Variants in ZNF423 observed in about 807,000 individuals in gnomAD.
The protein encoded by ZNF423 is Ebf-associated zinc finger protein.
A neutral mutation model predicts 95.8 loss-of-function variants in ZNF423; 12 were observed. That is an observed-to-expected ratio of 0.13 (90% CI 0.08 to 0.20). The LOEUF is 0.20. ZNF423 is among the 10% of genes least tolerant of loss of function. The probability of loss-of-function intolerance (pLI) is 1.00; values close to 1 mark genes in which losing one functional copy is unlikely to be tolerated. For missense variants in ZNF423, 1,316 were observed against 1,737.1 expected (o/e 0.76, Z 4.31); for synonymous variants, 749 against 711.9 (o/e 1.05, Z -0.83).
chr16:49,854,907 G>T (rs1026175150), intron 1 of ZNF423: 3 of 985,112 alleles, frequency 3.0e-6, no homozygotes, highest in Non-Finnish European at 3.6e-6. Flanking sequence ...CGGCCTGGGT[G>T]TCGAGGGTGC....
chr16:49,858,721 C>CCA (rs1555491190), upstream of ZNF423, among the ~76,000 whole-genome samples: 208 of 141,922 alleles, frequency 1.5e-3, 2 homozygotes, highest in African/African-American at 5.1e-3. The surrounding 1 kb of genome is among the most constrained non-coding windows in gnomAD (Gnocchi z 4.3). Context: ...ATAGGAGCCC[C>CCA]CCCCCCCACG....
intron 2 of ZNF423, among the ~76,000 whole-genome samples, chr16:49,783,376 G>A (rs577833837): frequency 9.0e-4 from 134 of 148,878 alleles, no homozygotes; most frequent in Non-Finnish European, 1.3e-3. Context: ...AGCAGGCTGG[G>A]ATGGGCGGGA....
In ZNF423 at chr16:49,693,077, A is replaced by T. The variant is rs565450825; in HGVS notation, c.301+37694T>A. Among the ~76,000 whole-genome samples the T allele has an allele frequency of 2.0e-5, 3 of 152,382 alleles. No homozygotes were observed. In the South Asian group the frequency reaches 6.2e-4, roughly 32 times the overall value. ...TTCATGAATAAATGTGTGAATAAAT[A>T]AAAAGAGTGATAGCTAACATTAAGT... On this transcript the variant is annotated intron_variant, in intron 3 of 7. Transcript: ENST00000563137.
chr16:49,707,822 T>C (rs1596892260), intron 3 of ZNF423, among the ~76,000 whole-genome samples: 1 of 152,140 alleles, frequency 6.6e-6, no homozygotes, highest in Non-Finnish European at 1.5e-5. Context: ...TTTATTTATT[T>C]ATTTTTTTGA....
At chr16:49,621,636 C>T (rs1212478851) in intron 5 of ZNF423, among the ~76,000 whole-genome samples, 1 of 152,190 alleles carries the variant, frequency 6.6e-6, no homozygotes, top group African/African-American at 2.4e-5. Context: ...ACCAAGTCCC[C>T]CTGGTGCCAC....
intron 5 of ZNF423, among the ~76,000 whole-genome samples, chr16:49,606,442 T>C (rs1971539328): frequency 6.6e-6 from 1 of 152,106 alleles, no homozygotes; most frequent in East Asian, 1.9e-4. Flanking sequence ...CCAGCAAAGT[T>C]GATATGCAGA....
At chr16:49,628,735 G>C (rs1972396098) in intron 4 of ZNF423, among the ~76,000 whole-genome samples, 1 of 152,194 alleles carries the variant, frequency 6.6e-6, no homozygotes, top group Non-Finnish European at 1.5e-5. Context: ...CCTACAGCTG[G>C]TTTCCACACA....
chr16:49,787,854 C>G (rs926989144), intron 2 of ZNF423, among the ~76,000 whole-genome samples: 2 of 152,162 alleles, frequency 1.3e-5, no homozygotes, highest in African/African-American at 4.8e-5. Context: ...TGAGTGCTTT[C>G]CTAGTTCAGG....
At chr16:49,778,109 A>AT (rs1705216984) in intron 2 of ZNF423, among the ~76,000 whole-genome samples, 1 of 152,238 alleles carries the variant, frequency 6.6e-6, no homozygotes, top group African/African-American at 2.4e-5. Context: ...AGGAGAACAA[A>AT]TTATCAGTGG....
At chr16:49,674,037 G>C (rs1396837507) in intron 3 of ZNF423, among the ~76,000 whole-genome samples, 1 of 152,180 alleles carries the variant, frequency 6.6e-6, no homozygotes, top group Non-Finnish European at 1.5e-5. Flanking sequence ...AGAGAAAATA[G>C]CCAGAGCAAA....
chr16:49,742,362 G>C (rs2033431895), intron 2 of ZNF423, among the ~76,000 whole-genome samples: 1 of 152,072 alleles, frequency 6.6e-6, no homozygotes, highest in Non-Finnish European at 1.5e-5. Flanking sequence ...GGGAAGCAGG[G>C]GGGAGAAAAA....
chr16:49,722,110 A>G (rs936301833), intron 3 of ZNF423, among the ~76,000 whole-genome samples: 71 of 152,286 alleles, frequency 4.7e-4, no homozygotes, highest in African/African-American at 1.7e-3. Flanking sequence ...TGTCTGAGCC[A>G]AGACTCAGAA....
chr16:49,526,705 G>C (rs973947873), intron 5 of ZNF423, among the ~76,000 whole-genome samples: 3 of 152,210 alleles, frequency 2.0e-5, no homozygotes, highest in African/African-American at 7.2e-5. Flanking sequence ...CCCTTACTGG[G>C]TGATCTTAGG....
intron 7 of ZNF423, among the ~76,000 whole-genome samples, chr16:49,510,219 T>C (rs993075227): frequency 6.6e-6 from 1 of 152,208 alleles, no homozygotes; most frequent in African/African-American, 2.4e-5. Flanking sequence ...ACAAGCATGA[T>C]GCTGCATCCC....
At chr16:49,498,778 C>T (rs1229747186) in intron 7 of ZNF423, among the ~76,000 whole-genome samples, 1 of 152,136 alleles carries the variant, frequency 6.6e-6, no homozygotes, top group Non-Finnish European at 1.5e-5. Context: ...CAGCCCCTCT[C>T]TGCTTGTGAG....
chr16:49,791,672 A>G (rs1245117674), intron 1 of ZNF423, among the ~76,000 whole-genome samples: 2 of 152,140 alleles, frequency 1.3e-5, no homozygotes, highest in African/African-American at 4.8e-5. Context: ...AGCACAAAAA[A>G]TATGTTCAGC....
At chr16:49,745,542 A>G (rs1269496063) in intron 2 of ZNF423, among the ~76,000 whole-genome samples, 2 of 152,230 alleles carry the variant, frequency 1.3e-5, no homozygotes, top group African/African-American at 4.8e-5. Flanking sequence ...AGTTTAAATC[A>G]TTACCTTGAA....
intron 3 of ZNF423, among the ~76,000 whole-genome samples, chr16:49,659,945 C>T (rs866692771): frequency 1.3e-5 from 2 of 152,226 alleles, no homozygotes; most frequent in African/African-American, 4.8e-5. Context: ...AATGGATGCA[C>T]ACTTTAGTCA....
Position 49,741,724 on chromosome 16 carries a change from C to G in ZNF423, c.101-10753G>C, listed in dbSNP as rs78158501. ...AGCCCCTAGAGCACAGGGTCATCTG[C>G]TCATTCCTCACCAGAAAGAGCAGTC... On this transcript the variant is annotated intron_variant, in intron 2 of 7. Transcript: ENST00000563137. 1.1e-4 allele frequency among the ~76,000 whole-genome samples: 17 copies of G among 152,356 alleles called. No homozygotes were observed. The East Asian group carries it at 2.9e-3, about 26-fold the overall frequency.
Sources: gnomAD v4.1 joint callset for allele counts (sites outside exome capture counted in the v4.1 genomes callset) on GRCh38, gnomAD v4.1.1 for gene constraint, Gnocchi (gnomAD v3.1) non-coding constraint, MANE v1.5 for transcripts, NCBI Gene and HGNC (gene_info 2026-07-23, HGNC 2026-07-21) for gene names.